Variants in TSPAN18 observed in about 807,000 individuals in gnomAD.
The protein encoded by TSPAN18 is tetraspanin 18.
TSPAN18 carries 14 observed loss-of-function variants against 27.3 expected under a neutral mutation model. That is an observed-to-expected ratio of 0.51 (90% CI 0.34 to 0.80). The LOEUF (loss-of-function observed/expected upper bound fraction) is 0.80, where lower values mean the gene tolerates loss of function less well. TSPAN18 is among the 30% of genes least tolerant of loss of function. TSPAN18 has a pLI of 0.01. For synonymous variants in TSPAN18, 143 were observed against 136.5 expected, an observed-to-expected ratio of 1.05 and a Z score of -0.33; for missense variants, 268 against 323.9, an observed-to-expected ratio of 0.83 and a Z score of 1.32.
chr11:44,903,415 G>A (rs764041240), intron 3 of TSPAN18: 42 of 456,494 alleles, frequency 9.2e-5, no homozygotes, highest in South Asian at 6.5e-4. Context: ...ATAACAAGAG[G>A]TGGCGATGGT....
intron 2 of TSPAN18, among the ~76,000 whole-genome samples, chr11:44,788,334 T>G (rs1356429442): frequency 1.3e-5 from 2 of 152,194 alleles, no homozygotes; most frequent in African/African-American, 4.8e-5. Context: ...CACATCAAAC[T>G]GACTAGTGCA....
intron 1 of TSPAN18, among the ~76,000 whole-genome samples, chr11:44,764,211 C>A (rs1855515167): frequency 6.6e-6 from 1 of 152,174 alleles, no homozygotes. Context: ...ATCTGAGGCC[C>A]CATCTCCGAC....
At chr11:44,825,809 G>C (rs1857028165) in intron 2 of TSPAN18, among the ~76,000 whole-genome samples, 1 of 152,122 alleles carries the variant, frequency 6.6e-6, no homozygotes, top group South Asian at 2.1e-4. Flanking sequence ...CAGAGACCCT[G>C]GTGGGCTTGT....
intron 2 of TSPAN18, among the ~76,000 whole-genome samples, chr11:44,834,346 G>T (rs1857219665): frequency 6.6e-6 from 1 of 152,094 alleles, no homozygotes; most frequent in Non-Finnish European, 1.5e-5. Flanking sequence ...GCTTTTTGTT[G>T]GCTCCAAAAG....
chr11:44,865,966 T>G (rs1207899046), intron 3 of TSPAN18, among the ~76,000 whole-genome samples: 1 of 152,192 alleles, frequency 6.6e-6, no homozygotes, highest in Non-Finnish European at 1.5e-5. Flanking sequence ...AGGCTTGGAG[T>G]GCCAGCCTCA....
At chr11:44,731,505 T>C (rs1854653162) in intron 1 of TSPAN18, among the ~76,000 whole-genome samples, 1 of 151,846 alleles carries the variant, frequency 6.6e-6, no homozygotes, top group African/African-American at 2.4e-5. Context: ...AAGTGTTCAC[T>C]ATCATCATCA....
intron 2 of TSPAN18, among the ~76,000 whole-genome samples, chr11:44,791,153 C>T (rs1856209985): frequency 6.6e-6 from 1 of 152,082 alleles, no homozygotes; most frequent in Admixed American, 6.5e-5. Context: ...GGGAACTGGG[C>T]CTGGGGGTGG....
intron 3 of TSPAN18, among the ~76,000 whole-genome samples, chr11:44,898,817 G>A (rs1013103894): frequency 1.3e-5 from 2 of 152,202 alleles, no homozygotes; most frequent in African/African-American, 4.8e-5. Context: ...CCTCTTAAAG[G>A]CCCCACCTCT....
intron 4 of TSPAN18, among the ~76,000 whole-genome samples, chr11:44,908,831 A>AAAGAGAG (rs1590671474): frequency 0.011 from 1,058 of 96,226 alleles, 198 homozygotes; most frequent in African/African-American, 0.041. Context: ...AAGAAAGAAA[A>AAAGAGAG]AGAAAAATGG....
chr11:44,931,490 G>A lies in TSPAN18; in HGVS notation c.*2312G>A, dbSNP rs1860560540. On this transcript the variant is annotated 3_prime_UTR_variant, in exon 10 of 10. Coordinates refer to ENST00000520358, the MANE Select transcript of TSPAN18 (RefSeq NM_130783.5). ...TCATGAAGGGAAATCTGGCTAAGGT[G>A]GGTTCAAGGGCAGACACAAGACTGC... is the stretch of plus-strand genomic sequence containing the variant. 1 of 153,686 alleles carries A rather than the reference G, an allele frequency of 6.5e-6. No homozygotes were observed. The highest frequency in any genetic ancestry group is 2.4e-5 in the African/African-American group (1 of 41,456). The allele number at this position is 153,686 out of a possible 1,614,324, so 9.5% of individuals were successfully genotyped here.
chr11:44,881,249 G>T (rs1160736083), intron 3 of TSPAN18, among the ~76,000 whole-genome samples: 2 of 152,148 alleles, frequency 1.3e-5, no homozygotes, highest in Non-Finnish European at 2.9e-5. Context: ...TCTTGTTATT[G>T]GTTGTTTTCC....
chr11:44,739,759 T>C (rs11038126), intron 1 of TSPAN18, among the ~76,000 whole-genome samples: 19,359 of 151,610 alleles, frequency 0.13, 2,497 homozygotes, highest in East Asian at 0.69. Context: ...CTTACACCAG[T>C]CTCTGGGCCC....
rs748270693 is a variant in TSPAN18 at position 44,841,424 on chromosome 11, G to A, written c.-152-18904G>A. ...CCAAGCTATCGGGAGGCTGAGGCGG[G>A]AAAATCACTTGAACCCAGGAGACAG... On this transcript the variant is annotated intron_variant, in intron 2 of 9. Transcript: ENST00000520358. Among the ~76,000 whole-genome samples, 3 of 151,856 alleles carry A rather than the reference G, an allele frequency of 2.0e-5. No homozygotes were observed. The South Asian group carries it at 6.3e-4, about 32-fold the overall frequency.
chr11:44,865,949 T>C (rs772232556), intron 3 of TSPAN18, among the ~76,000 whole-genome samples: 20 of 152,242 alleles, frequency 1.3e-4, no homozygotes, highest in Non-Finnish European at 2.4e-4. Flanking sequence ...CGAACCACAT[T>C]CAGTCCAGGC....
At chr11:44,925,272 T>C (rs1303476467) in intron 8 of TSPAN18, among the ~76,000 whole-genome samples, 1 of 152,190 alleles carries the variant, frequency 6.6e-6, no homozygotes, top group Non-Finnish European at 1.5e-5. Context: ...ACTGATCCAG[T>C]GTTGTGGGGC....
At chr11:44,759,341 G>C (rs1248082340) in intron 1 of TSPAN18, among the ~76,000 whole-genome samples, 2 of 152,148 alleles carry the variant, frequency 1.3e-5, no homozygotes, top group South Asian at 2.1e-4. Context: ...GGTGAGCTAG[G>C]GGGTGATGGT....
At chr11:44,874,370 C>A (rs1432878926) in intron 3 of TSPAN18, among the ~76,000 whole-genome samples, 2 of 152,192 alleles carry the variant, frequency 1.3e-5, no homozygotes, top group Non-Finnish European at 2.9e-5. Flanking sequence ...TGGGCAAAAC[C>A]TCCCTCTTCT....
In TSPAN18 at chr11:44,844,278, C is replaced by CTT. The variant is rs112664612; in HGVS notation, c.-152-16041_-152-16040dup. Among the ~76,000 whole-genome samples the CTT allele has an allele frequency of 9.4e-5, 14 of 148,920 alleles. No homozygotes were observed. In the East Asian group the frequency reaches 9.8e-4, roughly 10 times the overall value. On this transcript the variant is annotated intron_variant, in intron 2 of 9. Transcript: ENST00000520358. ...CTGTGGATGGACATTGGATCGTTTCCTTTTTTTTTTGGTGCTTATGATTAA... is the reference window on the plus strand; with the variant it reads ...CTGTGGATGGACATTGGATCGTTTCCTTTTTTTTTTTTGGTGCTTATGATTAA...
At chr11:44,889,372 C>A (rs975258233) in intron 3 of TSPAN18, among the ~76,000 whole-genome samples, 2 of 152,212 alleles carry the variant, frequency 1.3e-5, no homozygotes, top group Non-Finnish European at 2.9e-5. Flanking sequence ...CACAGCATCT[C>A]TTTCCCTACA....
Sources: allele counts gnomAD v4.1 joint callset (sites outside exome capture counted in the v4.1 genomes callset), GRCh38; gene constraint gnomAD v4.1.1; transcripts MANE v1.5; gene names NCBI Gene and HGNC (gene_info 2026-07-23, HGNC 2026-07-21).